The following SRBD1 variants were observed in gnomAD, a reference collection of about 807,000 sequenced individuals.
The protein encoded by SRBD1 is S1 RNA binding domain 1.
A neutral mutation model predicts 115.3 loss-of-function variants in SRBD1; 88 were observed. The observed-to-expected ratio is 0.76, with a 90% confidence interval of 0.64 to 0.91. The LOEUF (loss-of-function observed/expected upper bound fraction) is 0.91, where lower values mean the gene tolerates loss of function less well. Ranked by LOEUF, SRBD1 falls within the 40% of genes least tolerant of loss-of-function variation. The probability of loss-of-function intolerance (pLI) is 0.00; values close to 1 mark genes in which losing one functional copy is unlikely to be tolerated. For synonymous variants in SRBD1, 509 were observed against 407.7 expected, an observed-to-expected ratio of 1.25 and a Z score of -2.99; for missense variants, 1,385 against 1,177.4, an observed-to-expected ratio of 1.18 and a Z score of -2.58.
Position 45,389,373 on chromosome 2 carries a change from G to T in SRBD1, c.2925C>A (p.Val975=), listed in dbSNP as rs946485980. 6.2e-7 allele frequency: 1 copy of T among 1,613,842 alleles called. No individual in the cohort carries two copies. Among genetic ancestry groups the T allele is most frequent in the Non-Finnish European group, 8.5e-7 (1 of 1,179,950 alleles). ...LGLGPGERVE[V]QVLNIDIPRS... is the part of the protein sequence containing the mutation. ...GGGGGATGTCAATGTTGAGTACTTG[G>T]ACTTCCACTCTTTCTCCGGGGCCCA... The change falls in exon 21 of 21, where the codon GTC becomes GTA. Residue 975 remains valine, a synonymous_variant. Coordinates refer to ENST00000263736, the MANE Select transcript of SRBD1 (RefSeq NM_018079.5).
chr2:45,402,770 G>A (rs536014153), intron 19 of SRBD1, among the ~76,000 whole-genome samples: 2 of 152,226 alleles, frequency 1.3e-5, no homozygotes, highest in Non-Finnish European at 2.9e-5. Context: ...CAGATTCTCT[G>A]GGAGAGTGCC....
intron 10 of SRBD1, among the ~76,000 whole-genome samples, chr2:45,561,422 C>A (rs369661986): frequency 6.6e-6 from 1 of 152,182 alleles, no homozygotes; most frequent in East Asian, 1.9e-4. Flanking sequence ...TCCTTCATTG[C>A]TTTTAATGAA....
chr2:45,562,607 T>A, intron 10 of SRBD1, 46 bp downstream of exon 10: 1 of 1,419,310 alleles, frequency 7.0e-7, no homozygotes, highest in South Asian at 1.3e-5. Flanking sequence ...GGTATCATAT[T>A]TTAGAAAAGA....
intron 12 of SRBD1, among the ~76,000 whole-genome samples, chr2:45,550,732 T>G (rs1192556166): frequency 6.6e-6 from 1 of 152,110 alleles, no homozygotes; most frequent in Non-Finnish European, 1.5e-5. Flanking sequence ...TCAGTGTAAA[T>G]GTAAGTAAAC....
intron 5 of SRBD1, among the ~76,000 whole-genome samples, chr2:45,582,441 G>A (rs193201177): frequency 6.6e-6 from 1 of 152,032 alleles, no homozygotes; most frequent in African/African-American, 2.4e-5. Flanking sequence ...AGTATCTGTG[G>A]GTTTCTCCAA....
chr2:45,551,041 A>G, intron 12 of SRBD1, 84 bp downstream of exon 12: 1 of 1,471,368 alleles, frequency 6.8e-7, no homozygotes, highest in South Asian at 1.4e-5. Context: ...AATTAACATT[A>G]TTTCCAAATC....
At chr2:45,403,543 G>A (rs571288445) in intron 19 of SRBD1, among the ~76,000 whole-genome samples, 12 of 152,230 alleles carry the variant, frequency 7.9e-5, no homozygotes, top group African/African-American at 2.9e-4. Flanking sequence ...TATGATCCAT[G>A]TCCTATTGGA....
rs562914362 is a variant in SRBD1 at position 45,597,692 on chromosome 2, C to A, written c.648+1757G>T. 3.9e-5 allele frequency among the ~76,000 whole-genome samples: 6 copies of A among 152,284 alleles called. No individual in the cohort carries two copies. The East Asian group carries it at 9.7e-4, about 25-fold the overall frequency. On this transcript the variant is annotated intron_variant, in intron 4 of 20. Transcript: ENST00000263736. ...GGTTCAAGTCCTTTGGGAGACTTGA[C>A]CACATTCTGTCCCTTTTGTTCTTTG...
chr2:45,554,513 A>C (rs1020482913), intron 10 of SRBD1, among the ~76,000 whole-genome samples: 4 of 152,138 alleles, frequency 2.6e-5, no homozygotes, highest in Admixed American at 1.3e-4. Context: ...ATTTCTGAGA[A>C]CTTACTCTAT....
At chr2:45,485,061 T>C (rs746029155) in intron 15 of SRBD1, among the ~76,000 whole-genome samples, 16 of 152,224 alleles carry the variant, frequency 1.1e-4, no homozygotes, top group Admixed American at 3.9e-4. Flanking sequence ...AGTATTTTGG[T>C]TGAGTACCTG....
At chr2:45,485,713 A>G (rs140617901) in intron 15 of SRBD1, among the ~76,000 whole-genome samples, 13 of 152,342 alleles carry the variant, frequency 8.5e-5, no homozygotes, top group African/African-American at 2.9e-4. Flanking sequence ...GTTCTGTTAT[A>G]TTCTTATACA....
intron 14 of SRBD1, among the ~76,000 whole-genome samples, chr2:45,496,152 T>G (rs956224551): frequency 6.6e-6 from 1 of 152,246 alleles, no homozygotes; most frequent in Non-Finnish European, 1.5e-5. Context: ...TTGCATCATT[T>G]ACTCTTCCAC....
At chr2:45,448,707 G>A (rs1166300839) in intron 16 of SRBD1, among the ~76,000 whole-genome samples, 2 of 152,072 alleles carry the variant, frequency 1.3e-5, no homozygotes, top group Non-Finnish European at 2.9e-5. Flanking sequence ...CTTGAACTAG[G>A]GCCATTATTC....
intron 4 of SRBD1, among the ~76,000 whole-genome samples, chr2:45,599,240 A>G (rs1479940900): frequency 6.6e-6 from 1 of 152,216 alleles, no homozygotes; most frequent in Non-Finnish European, 1.5e-5. Context: ...AAGAGAGGCC[A>G]CACATCTTAG....
chr2:45,603,791 A>T (rs1674176483), intron 2 of SRBD1, among the ~76,000 whole-genome samples: 1 of 152,112 alleles, frequency 6.6e-6, no homozygotes, highest in South Asian at 2.1e-4. Context: ...TGGCCTCCCA[A>T]AGCACTGGGA....
intron 19 of SRBD1, among the ~76,000 whole-genome samples, chr2:45,411,155 G>A (rs980029005): frequency 5.3e-5 from 8 of 152,160 alleles, no homozygotes; most frequent in African/African-American, 1.9e-4. Context: ...GATAGTGTCA[G>A]AAATTAACTA....
chr2:45,435,527 AG>A (rs1327953011), intron 16 of SRBD1, among the ~76,000 whole-genome samples: 1 of 150,670 alleles, frequency 6.6e-6, no homozygotes, highest in East Asian at 2.0e-4. Flanking sequence ...GCACATACCC[AG>A]GGCACCAAGA....
chr2:45,565,408 A>G (rs1672795064), intron 9 of SRBD1, among the ~76,000 whole-genome samples: 1 of 152,234 alleles, frequency 6.6e-6, no homozygotes, highest in South Asian at 2.1e-4. Flanking sequence ...ATCATGAATA[A>G]CTAGAACTCA....
intron 1 of SRBD1, among the ~76,000 whole-genome samples, chr2:45,606,278 G>A (rs781751463): frequency 2.3e-4 from 34 of 150,874 alleles, no homozygotes; most frequent in Non-Finnish European, 4.7e-4. Context: ...TCCTGCCTCA[G>A]CCTCCCTAGT....
Sources: allele counts gnomAD v4.1 joint callset (sites outside exome capture counted in the v4.1 genomes callset), GRCh38; gene constraint gnomAD v4.1.1; transcripts MANE v1.5; gene names NCBI Gene and HGNC (gene_info 2026-07-23, HGNC 2026-07-21).